The following GRIP1 variants were observed in gnomAD, a reference collection of about 807,000 sequenced individuals.
GRIP1 encodes the protein glutamate receptor interacting protein 1.
Under a neutral mutation model 129.9 loss-of-function variants are expected in GRIP1, and 45 were observed. The observed-to-expected ratio is 0.35, with a 90% confidence interval of 0.27 to 0.44. The LOEUF (loss-of-function observed/expected upper bound fraction) is 0.44. Ranked by LOEUF, GRIP1 falls within the 20% of genes least tolerant of loss-of-function variation. The pLI, the probability that GRIP1 is intolerant of heterozygous loss-of-function variation, is 1.00. For missense variants in GRIP1, 1,196 were observed against 1,396.8 expected (o/e 0.86, Z 2.29); for synonymous variants, 530 against 520.8 (o/e 1.02, Z -0.24).
intron 1 of GRIP1, among the ~76,000 whole-genome samples, chr12:66,798,354 T>C (rs1430099818): frequency 1.3e-5 from 2 of 152,176 alleles, no homozygotes; most frequent in South Asian, 2.1e-4. Flanking sequence ...TGAAATCTTA[T>C]TGCACATTAA....
chr12:66,858,153 G>A (rs765677681), intron 1 of GRIP1, among the ~76,000 whole-genome samples: 2 of 151,924 alleles, frequency 1.3e-5, no homozygotes, highest in Non-Finnish European at 2.9e-5. Flanking sequence ...CATGGTAAAG[G>A]AATAGATATT....
intron 1 of GRIP1, among the ~76,000 whole-genome samples, chr12:66,914,856 G>A (rs1438383669): frequency 2.6e-5 from 4 of 152,180 alleles, no homozygotes; most frequent in Non-Finnish European, 5.9e-5. Flanking sequence ...AGGCATGGTG[G>A]TGCATTCCTA....
intron 6 of GRIP1, 50 bp from the exon 7 acceptor site, chr12:66,515,814 T>C (rs2060827642): frequency 6.7e-7 from 1 of 1,499,870 alleles, no homozygotes; most frequent in African/African-American, 1.4e-5. Context: ...ATAATGGGGC[T>C]TAGTATTAAT....
intron 15 of GRIP1, among the ~76,000 whole-genome samples, chr12:66,413,050 C>T (rs946188953): frequency 1.1e-4 from 17 of 152,144 alleles, no homozygotes; most frequent in Admixed American, 3.9e-4. Context: ...GACAGATCAT[C>T]GAGACAGAAA....
intron 1 of GRIP1, among the ~76,000 whole-genome samples, chr12:66,619,661 A>G (rs1224272988): frequency 6.6e-6 from 1 of 152,196 alleles, no homozygotes; most frequent in Non-Finnish European, 1.5e-5. Context: ...TTTAATTTTT[A>G]TCTGCTTTGT....
At chr12:66,685,568 C>A (rs2034751595) in intron 1 of GRIP1, among the ~76,000 whole-genome samples, 1 of 152,112 alleles carries the variant, frequency 6.6e-6, no homozygotes, top group African/African-American at 2.4e-5. Flanking sequence ...TTTCCACACT[C>A]CCAGGATATA....
chr12:66,676,113 G>T (rs1272004555), intron 1 of GRIP1, among the ~76,000 whole-genome samples: 1 of 152,040 alleles, frequency 6.6e-6, no homozygotes, highest in Non-Finnish European at 1.5e-5. Context: ...AATATTTATT[G>T]TTCAATAATA....
At chr12:66,427,913 G>C (rs144390627) in intron 14 of GRIP1, among the ~76,000 whole-genome samples, 2,069 of 152,134 alleles carry the variant, frequency 0.014, 28 homozygotes, top group Middle Eastern at 0.027. Flanking sequence ...TGCCTTTTGG[G>C]GCCAAACCAA....
chr12:66,406,873 T>C (rs1005189425), intron 15 of GRIP1, among the ~76,000 whole-genome samples: 21 of 152,168 alleles, frequency 1.4e-4, no homozygotes, highest in African/African-American at 5.1e-4. Flanking sequence ...CTTGCACCTC[T>C]GCTACTTCCA....
chr12:66,594,240 T>A (rs1234455467), intron 2 of GRIP1, among the ~76,000 whole-genome samples: 3 of 152,046 alleles, frequency 2.0e-5, no homozygotes, highest in African/African-American at 7.2e-5. Flanking sequence ...CTTCTTTTCA[T>A]TGGTGCACTT....
intron 1 of GRIP1, among the ~76,000 whole-genome samples, chr12:66,775,770 A>C (rs1345056755): frequency 3.3e-5 from 5 of 152,102 alleles, no homozygotes; most frequent in Non-Finnish European, 5.9e-5. Flanking sequence ...TCTTTCTCCA[A>C]CTCTACTGTG....
chr12:67,058,531 A>G (rs2043475873), intron 1 of GRIP1, among the ~76,000 whole-genome samples: 1 of 152,238 alleles, frequency 6.6e-6, no homozygotes, highest in African/African-American at 2.4e-5. Flanking sequence ...TCACACTGCA[A>G]TTACACTACT....
At chr12:66,713,243 G>T (rs973695510) in intron 1 of GRIP1, among the ~76,000 whole-genome samples, 1 of 151,906 alleles carries the variant, frequency 6.6e-6, no homozygotes, top group Admixed American at 6.6e-5. Context: ...CAAAGCAGAA[G>T]GTACTTAAGA....
chr12:66,501,362 G>A (rs1240954276), intron 7 of GRIP1, among the ~76,000 whole-genome samples: 2 of 152,122 alleles, frequency 1.3e-5, no homozygotes, highest in Non-Finnish European at 2.9e-5. Context: ...GGGGAATATT[G>A]TAGTCTTGTT....
At chr12:66,568,891 T>C (rs1479763517) in intron 2 of GRIP1, 6 of 501,890 alleles carry the variant, frequency 1.2e-5, no homozygotes, top group Non-Finnish European at 2.4e-5. Context: ...TGCAGTTGAG[T>C]AGGTTCCAGA....
chr12:66,793,398 T>G (rs1328079491), intron 1 of GRIP1, among the ~76,000 whole-genome samples: 2 of 152,062 alleles, frequency 1.3e-5, no homozygotes, highest in Non-Finnish European at 2.9e-5. Context: ...TTTCTTCCAG[T>G]CCAAGTATGC....
At chr12:66,534,458 C>G (rs1229589175) in intron 4 of GRIP1, among the ~76,000 whole-genome samples, 1 of 152,150 alleles carries the variant, frequency 6.6e-6, no homozygotes, top group Non-Finnish European at 1.5e-5. Flanking sequence ...TCTAAATACT[C>G]AGATCTTATG....
chr12:66,543,497 T>C (rs2061851894), intron 2 of GRIP1, among the ~76,000 whole-genome samples: 1 of 152,178 alleles, frequency 6.6e-6, no homozygotes, highest in African/African-American at 2.4e-5. Flanking sequence ...CAGAAACATC[T>C]GTAACAAAAT....
At chr12:66,747,551 A>T (rs2036987832) in intron 1 of GRIP1, among the ~76,000 whole-genome samples, 1 of 152,186 alleles carries the variant, frequency 6.6e-6, no homozygotes, top group Non-Finnish European at 1.5e-5. Context: ...ATTAAAAAGG[A>T]ATTTTATTTC....
Sources: gnomAD v4.1 joint callset for allele counts (sites outside exome capture counted in the v4.1 genomes callset) on GRCh38, gnomAD v4.1.1 for gene constraint, MANE v1.5 for transcripts, NCBI Gene and HGNC (gene_info 2026-07-23, HGNC 2026-07-21) for gene names.